The following SYNE3 variants were observed in gnomAD, a reference collection of about 807,000 sequenced individuals.
SYNE3 encodes nesprin-3.
A neutral mutation model predicts 111.2 loss-of-function variants in SYNE3; 100 were observed. That is an observed-to-expected ratio of 0.90 (90% confidence interval 0.77 to 1.06). SYNE3 has a LOEUF of 1.06. Among genes scored for constraint, SYNE3 ranks in the 50% least tolerant of loss-of-function variants. The probability of loss-of-function intolerance (pLI) is 0.00; values close to 1 mark genes in which losing one functional copy is unlikely to be tolerated. For missense variants in SYNE3, 1,160 were observed against 1,240.3 expected (o/e 0.94, Z 0.97); for synonymous variants, 547 against 533.9 (o/e 1.02, Z -0.34).
At chr14:95,513,022 A>G (rs1206193677) in intron 1 of SYNE3, among the ~76,000 whole-genome samples, 1 of 152,118 alleles carries the variant, frequency 6.6e-6, no homozygotes, top group African/African-American at 2.4e-5. Context: ...ATTTTGCATT[A>G]TCATTCCCTT....
At chr14:95,512,519 A>T (rs1007022493) in intron 1 of SYNE3, among the ~76,000 whole-genome samples, 1 of 151,906 alleles carries the variant, frequency 6.6e-6, no homozygotes, top group African/African-American at 2.4e-5. Flanking sequence ...GTGCCACTGC[A>T]CTCCAGCCTG....
At chr14:95,511,717 A>AAAAT (rs1033788793) in intron 1 of SYNE3, among the ~76,000 whole-genome samples, 3 of 152,138 alleles carry the variant, frequency 2.0e-5, no homozygotes, top group Admixed American at 2.0e-4. Flanking sequence ...TCCTTCTCAA[A>AAAAT]AAATAAATAA....
rs187376318 is a variant in SYNE3 at position 95,457,308 on chromosome 14, G to A, written c.658C>T (p.Arg220Trp). ...KRVDLLEQVAREHEEYQAGVD... is the reference protein window; with the variant it reads ...KRVDLLEQVAWEHEEYQAGVD... The stretch of plus-strand genomic sequence containing the variant: ...CCTGCCTGGTACTCCTCATGCTCCC[G>A]GGCCACCTGCTCCAGCAGATCTACA... Residue 220 changes from arginine (R) to tryptophan (W), a missense_variant, in exon 5 of 18, where the codon CGG becomes TGG. Coordinates refer to ENST00000682763, the MANE Select transcript of SYNE3 (RefSeq NM_152592.6). The A allele has an allele frequency of 3.9e-5, 63 of 1,605,080 alleles. No individual in the cohort carries two copies. The African/African-American group carries it at 4.6e-4, about 12-fold the overall frequency.
intron 8 of SYNE3, among the ~76,000 whole-genome samples, chr14:95,448,988 AT>A (rs1486050423): frequency 6.6e-6 from 1 of 152,174 alleles, no homozygotes; most frequent in Non-Finnish European, 1.5e-5. Context: ...AATCAGAATG[AT>A]TATACATCTC....
rs1446119676 is a variant in SYNE3, at chr14:95,500,417, G to C, written c.-15+16179C>G. Among the ~76,000 whole-genome samples, 3 of 152,316 alleles carry C rather than the reference G, an allele frequency of 2.0e-5. No homozygotes were observed. The South Asian group carries it at 6.2e-4, about 32-fold the overall frequency. ...GAAGGGGCTACCCTCAGGAGTGAGT[G>C]ATACCTTGCAGACGCGTAGGTGTCC... On this transcript the variant is annotated intron_variant, in intron 1 of 17. Coordinates refer to ENST00000682763, the MANE Select transcript of SYNE3 (RefSeq NM_152592.6). This position sits in a 1 kb window ranked among gnomAD's most constrained non-coding sequence, Gnocchi z 4.7.
rs1037552474 is a variant in SYNE3 at position 95,470,006 on chromosome 14, T to C, written c.145-2039A>G. Among the ~76,000 whole-genome samples the C allele has an allele frequency of 2.6e-5, 4 of 151,828 alleles. No homozygotes were observed. The highest frequency in any genetic ancestry group is 9.7e-5 in the African/African-American group (4 of 41,308). ...TCTCTGTGTGCATGTGAGTGGGAGG[T>C]GCTCAGGGAGAGTGAAGAATGGGGA... On this transcript the variant is annotated intron_variant, in intron 2 of 17. Coordinates refer to ENST00000682763, the MANE Select transcript of SYNE3 (RefSeq NM_152592.6). This position sits in a 1 kb window ranked among gnomAD's most constrained non-coding sequence, Gnocchi z 4.2.
At chr14:95,473,883 A>G (rs1270275722) in intron 2 of SYNE3, among the ~76,000 whole-genome samples, 1 of 148,572 alleles carries the variant, frequency 6.7e-6, no homozygotes, top group Non-Finnish European at 1.5e-5. Flanking sequence ...GTGAGGTGTG[A>G]CAGTGGCTGG....
intron 8 of SYNE3, 120 bp downstream of exon 8, chr14:95,449,811 G>T: frequency 6.9e-7 from 1 of 1,439,886 alleles, no homozygotes; most frequent in Non-Finnish European, 9.3e-7. Flanking sequence ...CGGGCGCAGT[G>T]AGCTCTCCCC....
rs571192294 is a variant in SYNE3, at chr14:95,450,170, C to T, written c.1275-65G>A. On this transcript the variant is annotated intron_variant, in intron 7 of 17. Transcript: ENST00000682763. Reference sequence around the variant, plus strand: ...GAGTGGGTTCAGTCCAGGGATGAGGCCTCCGCCAAGACCCTCAAGAGGCCC... The same window carrying T: ...GAGTGGGTTCAGTCCAGGGATGAGGTCTCCGCCAAGACCCTCAAGAGGCCC... 2.7e-5 allele frequency: 41 copies of T among 1,511,778 alleles called. No individual in the cohort carries two copies. The African/African-American group carries it at 3.6e-4, about 13-fold the overall frequency. 93.6% of individuals were successfully genotyped at this position (1,511,778 alleles called of 1,614,324 possible). A position where few individuals can be genotyped will look rare whatever the true frequency, so the allele number is the denominator to read the frequency against.
At chr14:95,507,374 G>A (rs945517747) in intron 1 of SYNE3, among the ~76,000 whole-genome samples, 4 of 152,326 alleles carry the variant, frequency 2.6e-5, no homozygotes, top group South Asian at 4.1e-4. Context: ...GATCCCAGCC[G>A]CAAACACGTG....
At chr14:95,473,507 G>T (rs760670582) in intron 2 of SYNE3, among the ~76,000 whole-genome samples, 1 of 152,052 alleles carries the variant, frequency 6.6e-6, no homozygotes, top group Non-Finnish European at 1.5e-5. Flanking sequence ...TTCATTTCTT[G>T]TGCACACCCA....
intron 17 of SYNE3, among the ~76,000 whole-genome samples, chr14:95,424,102 T>C (rs1885306780): frequency 6.6e-6 from 1 of 152,114 alleles, no homozygotes; most frequent in African/African-American, 2.4e-5. Flanking sequence ...AGGAGAGACC[T>C]GCATTACAGA....
At chr14:95,502,012 G>C (rs918782994) in intron 1 of SYNE3, among the ~76,000 whole-genome samples, 56 of 152,182 alleles carry the variant, frequency 3.7e-4, no homozygotes, top group African/African-American at 1.3e-3. Flanking sequence ...TAAGGCTCAG[G>C]GGAGAGATGA....
At position 95,452,247 on chromosome 14, in the gene SYNE3, C is replaced by T. The variant is rs770406739; in HGVS notation, c.1274G>A (p.Ser425Asn). ...SVIATIQEYQ[S>N]LKVKSARLRN... ...CACCACCCTTGGCCTTCCCAGATAC[C>T]TCTGATACTCCTGGATGGTAGCGAT... The change falls in exon 7 of 18, where the codon AGC becomes AAC. Residue 425 changes from serine (S) to asparagine (N), a missense_variant and splice_region_variant. Ser to Asn is a conservative substitution (Grantham distance 46). Transcript: ENST00000682763. 1.3e-6 allele frequency: 2 copies of T among 1,597,434 alleles called. No individual in the cohort carries two copies. The highest frequency in any genetic ancestry group is 3.4e-5 in the Admixed American group (2 of 59,182).
chr14:95,434,954 T>A (rs1244850834), intron 15 of SYNE3, among the ~76,000 whole-genome samples: 4 of 152,228 alleles, frequency 2.6e-5, no homozygotes, highest in African/African-American at 9.6e-5. Flanking sequence ...GTGCCCTGCC[T>A]ATCCTAAATC....
Position 95,460,379 on chromosome 14 carries a change from T to G in SYNE3, c.628-3041A>C, listed in dbSNP as rs563113731. Among the ~76,000 whole-genome samples the G allele has an allele frequency of 1.3e-3, 186 of 148,492 alleles. 1 individual carries two copies. Among genetic ancestry groups the G allele is most frequent in the Admixed American group, 8.6e-3 (129 of 14,970 alleles). On this transcript the variant is annotated intron_variant, in intron 4 of 17. Transcript: ENST00000682763. ...ACCACGATGCCTAGTTTTTTTTTTT[T>G]TTTTTTTTTTTTGCTATTTTTAGAA...
intron 1 of SYNE3, among the ~76,000 whole-genome samples, chr14:95,497,542 A>T (rs2139588101): frequency 6.6e-6 from 1 of 152,358 alleles, no homozygotes; most frequent in South Asian, 2.1e-4. Flanking sequence ...TTACAACGAG[A>T]AATTAACACC....
At position 95,417,972 on chromosome 14, in the gene SYNE3, G is replaced by A. The variant is rs1308073493; in HGVS notation, c.2782C>T (p.Leu928Phe). The A allele has an allele frequency of 1.2e-6, 2 of 1,613,178 alleles. No homozygotes were observed. The highest frequency in any genetic ancestry group is 3.3e-5 in the Admixed American group (2 of 60,024). Residue 928 changes from leucine (L) to phenylalanine (F), a missense_variant, in exon 18 of 18, where the codon CTC becomes TTC. Physicochemically the swap from Leu to Phe is conservative, Grantham distance 22. Coordinates refer to ENST00000682763, the MANE Select transcript of SYNE3 (RefSeq NM_152592.6). ...AGCAGCAGAAGCAGCTGCAGTGGGA[G>A]CGCCACACAGCACGCCCTCCGGAAG... ...SLFRRACCVA[L>F]PLQLLLLLFL... is the part of the protein sequence containing the mutation.
chr14:95,471,198 T>C (rs1888507483), intron 2 of SYNE3, among the ~76,000 whole-genome samples: 1 of 152,128 alleles, frequency 6.6e-6, no homozygotes, highest in Admixed American at 6.5e-5. Flanking sequence ...GGAGTCCAGC[T>C]CTGAAAATCA....
Sources: gnomAD v4.1 joint callset for allele counts (sites outside exome capture counted in the v4.1 genomes callset) on GRCh38, gnomAD v4.1.1 for gene constraint, Gnocchi (gnomAD v3.1) non-coding constraint, MANE v1.5 for transcripts, NCBI Gene and HGNC (gene_info 2026-07-23, HGNC 2026-07-21) for gene names.